The following COL9A3 variants were observed in gnomAD, a reference collection of about 807,000 sequenced individuals.
COL9A3 encodes the protein collagen alpha-3(IX) chain.
A neutral mutation model predicts 110.2 loss-of-function variants in COL9A3; 82 were observed. The observed-to-expected ratio is 0.74, with a 90% confidence interval of 0.62 to 0.89. COL9A3 has a LOEUF of 0.89. COL9A3 is among the 40% of genes least tolerant of loss of function. The probability of loss-of-function intolerance (pLI) is 0.00; values close to 1 mark genes in which losing one functional copy is unlikely to be tolerated. For synonymous variants in COL9A3, 494 were observed against 403.8 expected (o/e 1.22, Z -2.68); for missense variants, 1,066 against 981.3 (o/e 1.09, Z -1.15).
intron 10 of COL9A3, among the ~76,000 whole-genome samples, chr20:62,823,210 C>T (rs2063524703): frequency 6.6e-6 from 1 of 152,146 alleles, no homozygotes; most frequent in South Asian, 2.1e-4. Context: ...TGGTGGCGTG[C>T]CTGTTGTCCT....
chr20:62,836,403 T>C, intron 28 of COL9A3, 70 bp downstream of exon 28: 1 of 1,613,984 alleles, frequency 6.2e-7, no homozygotes, highest in African/African-American at 1.3e-5. Flanking sequence ...AGGAAGTTAC[T>C]TTGCGGGGTG....
In COL9A3 at chr20:62,833,034, C is replaced by T. The variant is rs376110472; in HGVS notation, c.1338C>T (p.Ser446=). 1.8e-5 allele frequency: 29 copies of T among 1,613,720 alleles called. No individual in the cohort carries two copies. Among genetic ancestry groups the T allele is most frequent in the African/African-American group, 4.0e-5 (3 of 74,900 alleles). Residue 446 remains serine (S), a synonymous_variant, in exon 26 of 32, where the codon TCC becomes TCT. Coordinates refer to ENST00000649368, the MANE Select transcript of COL9A3 (RefSeq NM_001853.4). ...ATCGTTTTCAGGGTATTGCAGGTTCCGACGGTCTTCCTGGGGATAAAGGAG... is the reference window on the plus strand; with the variant it reads ...ATCGTTTTCAGGGTATTGCAGGTTCTGACGGTCTTCCTGGGGATAAAGGAG... ...GPKGDQGIAG[S]DGLPGDKGEL...
intron 10 of COL9A3, among the ~76,000 whole-genome samples, chr20:62,824,174 T>G (rs1204658545): frequency 2.0e-5 from 2 of 98,430 alleles, no homozygotes; most frequent in Admixed American, 1.0e-4. Flanking sequence ...TCACCCAGAG[T>G]GTCCCGACAC....
intron 25 of COL9A3, 195 bp from the exon 26 acceptor site, chr20:62,832,825 G>A: frequency 2.2e-6 from 1 of 454,666 alleles, no homozygotes; most frequent in Non-Finnish European, 3.5e-6. Flanking sequence ...CCGTTTTTTG[G>A]CCCCGCCCCT....
rs373399710 is a variant in COL9A3 at position 62,822,127 on chromosome 20, C to A, written c.440C>A (p.Pro147His). Residue 147 changes from proline to histidine, a missense_variant, in exon 9 of 32, where the codon CCC becomes CAC. Transcript: ENST00000649368. ...LRGPPGPSGLPGLPGPPGPPG... is the reference protein window; with the variant it reads ...LRGPPGPSGLHGLPGPPGPPG... ...CCTCCCCAGGGACCTTCTGGACTCC[C>A]CGGCCTCCCTGGTCCCCCAGGACCT... 2 of 1,585,766 alleles carry A rather than the reference C, an allele frequency of 1.3e-6. No individual in the cohort carries two copies. The highest frequency in any genetic ancestry group is 2.7e-5 in the African/African-American group (2 of 74,394).
chr20:62,835,136 G>A (rs555533191), intron 26 of COL9A3, among the ~76,000 whole-genome samples: 2 of 152,382 alleles, frequency 1.3e-5, no homozygotes, highest in East Asian at 1.9e-4. Context: ...GGAGCATGCT[G>A]TCTGGGCCCG....
At chr20:62,824,826 C>A in intron 11 of COL9A3, 142 bp from the exon 12 acceptor site, 2 of 922,270 alleles carry the variant, frequency 2.2e-6, no homozygotes, top group Non-Finnish European at 3.4e-6. Flanking sequence ...TCAGTTTCCC[C>A]ATGAGGGCCC....
At chr20:62,821,894 C>A in intron 8 of COL9A3, 84 bp downstream of exon 8, 1 of 837,352 alleles carries the variant, frequency 1.2e-6, no homozygotes, top group South Asian at 1.4e-5. Context: ...CTCCCTTCCC[C>A]TCTCCCTTTT....
intron 12 of COL9A3, 87 bp from the exon 13 acceptor site, chr20:62,825,730 T>A: frequency 7.3e-7 from 1 of 1,377,426 alleles, no homozygotes. Context: ...CCCCAGCTGC[T>A]TGGGCTTGAG....
At chr20:62,818,105 G>A (rs1327151277) in intron 2 of COL9A3, among the ~76,000 whole-genome samples, 1 of 152,162 alleles carries the variant, frequency 6.6e-6, no homozygotes, top group East Asian at 1.9e-4. Context: ...GGAGGCGGCT[G>A]AAATTCTACA....
At chr20:62,829,116 G>A in intron 19 of COL9A3, 140 bp downstream of exon 19, 1 of 956,482 alleles carries the variant, frequency 1.0e-6, no homozygotes, top group South Asian at 1.6e-5. Flanking sequence ...TCAGGGCCTG[G>A]CACAACCCCT....
chr20:62,818,647 TGCCGGA>T, intron 3 of COL9A3, 94 bp downstream of exon 3: 1 of 1,366,076 alleles, frequency 7.3e-7, no homozygotes. Context: ...TGTCTCATCC[TGCCGGA>T]GCCCGGGTTG....
At chr20:62,833,349 C>A (rs1440742767) in intron 26 of COL9A3, among the ~76,000 whole-genome samples, 3 of 152,204 alleles carry the variant, frequency 2.0e-5, no homozygotes, top group Non-Finnish European at 4.4e-5. Context: ...TGGAGTGGCA[C>A]CTGCATGAAG....
intron 15 of COL9A3, 123 bp downstream of exon 15, chr20:62,826,943 C>A (rs2063557725): frequency 1.8e-6 from 2 of 1,107,836 alleles, no homozygotes; most frequent in Non-Finnish European, 2.7e-6. Context: ...GTTCCCTGGA[C>A]ACCCTGGGAG....
chr20:62,836,010 G>A lies in COL9A3; in HGVS notation c.1401+57G>A. On this transcript the variant is annotated intron_variant, in intron 27 of 31. Transcript: ENST00000649368. ...ATCCATGGGCGCCTGCTGGCTTCCT[G>A]CCCACCTCTGGGCAACCAGGCAGCC... 1.9e-6 allele frequency: 3 copies of A among 1,613,232 alleles called. No homozygotes were observed. In the South Asian group the frequency reaches 3.3e-5, roughly 18 times the overall value.
At position 62,840,933 on chromosome 20, in the gene COL9A3, C is replaced by A; in HGVS notation, c.*201C>A. 1.7e-6 allele frequency: 1 copy of A among 604,468 alleles called. No homozygotes were observed. Among genetic ancestry groups the A allele is most frequent in the Non-Finnish European group, 3.0e-6 (1 of 334,976 alleles). The allele number at this position is 604,468 out of a possible 1,614,324, so 37.4% of individuals were successfully genotyped here. A position where few individuals can be genotyped will look rare whatever the true frequency, so the allele number is the denominator to read the frequency against. On this transcript the variant is annotated 3_prime_UTR_variant, in exon 32 of 32. Coordinates refer to ENST00000649368, the MANE Select transcript of COL9A3 (RefSeq NM_001853.4). ...GACAGCATACCTCAAAAGGCCCTAGCTAATAAACCTGTAAGCCCAGCATTT... is the reference window on the plus strand; with the variant it reads ...GACAGCATACCTCAAAAGGCCCTAGATAATAAACCTGTAAGCCCAGCATTT...
rs773420523 is a variant in COL9A3, at chr20:62,825,852, G to A, written c.666G>A (p.Pro222=). The A allele has an allele frequency of 3.7e-5, 57 of 1,558,772 alleles. 1 individual carries two copies. In the South Asian group the frequency reaches 5.0e-4, roughly 14 times the overall value. Residue 222 remains proline, a synonymous_variant, in exon 13 of 32, where the codon CCG becomes CCA. Coordinates refer to ENST00000649368, the MANE Select transcript of COL9A3 (RefSeq NM_001853.4). ...GCCCCCCTGGGCCCGCCGGCCTCCC[G>A]GGCAGCGTGGGGCTGCAGGTGAGGC... The part of the protein sequence containing the change: ...DPGPPGPAGL[P]GSVGLQGPRG...
rs377520445 is a variant in COL9A3 at position 62,826,255 on chromosome 20, C to T, written c.736C>T (p.Arg246Trp). 1.5e-5 allele frequency: 23 copies of T among 1,550,642 alleles called. No individual in the cohort carries two copies. Among genetic ancestry groups the T allele is most frequent in the African/African-American group, 1.4e-4 (10 of 73,260 alleles). ...AGGGCCACTCGGGCCCCCTGGGGACCGGGTAAGTCCTGCAGCCCCTAGTGG... is the reference window on the plus strand; with the variant it reads ...AGGGCCACTCGGGCCCCCTGGGGACTGGGTAAGTCCTGCAGCCCCTAGTGG... ...LPGPLGPPGDRGPIGFRGPPG... is the reference protein window; with the variant it reads ...LPGPLGPPGDWGPIGFRGPPG... Residue 246 changes from arginine to tryptophan, a missense_variant and splice_region_variant, in exon 14 of 32, where the codon CGG (arginine) becomes TGG (tryptophan). Transcript: ENST00000649368.
At chr20:62,827,393 C>A in intron 16 of COL9A3, 99 bp downstream of exon 16, 2 of 1,269,134 alleles carry the variant, frequency 1.6e-6, no homozygotes, top group Non-Finnish European at 2.2e-6. Context: ...GGGAGTGAGA[C>A]TGCAAGGGGC....
Sources: gnomAD v4.1 joint callset for allele counts (sites outside exome capture counted in the v4.1 genomes callset) on GRCh38, gnomAD v4.1.1 for gene constraint, MANE v1.5 for transcripts, NCBI Gene and HGNC (gene_info 2026-07-23, HGNC 2026-07-21) for gene names.